Variants in ASXL3 observed in about 807,000 individuals in gnomAD.
The protein encoded by ASXL3 is putative Polycomb group protein ASXL3.
In ASXL3, 34 loss-of-function variants were observed where a neutral mutation model predicts 170.6. The ratio of observed to expected loss-of-function variants is 0.20; its 90% CI spans 0.15 to 0.27. ASXL3 has a LOEUF of 0.27. Ranked by LOEUF, ASXL3 falls within the 10% of genes least tolerant of loss-of-function variation. The pLI is 1.00. For missense variants in ASXL3, 2,592 were observed against 2,695.3 expected (o/e 0.96, Z 0.85); for synonymous variants, 1,002 against 989.1 (o/e 1.01, Z -0.24).
intron 7 of ASXL3, among the ~76,000 whole-genome samples, chr18:33,678,775 T>C (rs1568322958): frequency 6.6e-6 from 1 of 152,184 alleles, no homozygotes; most frequent in Admixed American, 6.5e-5. Context: ...TCATATATAA[T>C]TGGATTGTTC....
At chr18:33,615,384 G>T (rs1359805477) in intron 2 of ASXL3, among the ~76,000 whole-genome samples, 1 of 151,952 alleles carries the variant, frequency 6.6e-6, no homozygotes, top group Middle Eastern at 3.2e-3. Context: ...TTTTATATGG[G>T]CACTGTTCAT....
At chr18:33,614,869 T>C (rs2065398601) in intron 2 of ASXL3, 1 of 152,050 alleles carries the variant, frequency 6.6e-6, no homozygotes, top group Non-Finnish European at 1.5e-5. Context: ...GCTTAAAATA[T>C]TCAGTAAACC....
chr18:33,598,289 T>G (rs1250348930), intron 1 of ASXL3, among the ~76,000 whole-genome samples: 1 of 152,184 alleles, frequency 6.6e-6, no homozygotes, highest in Non-Finnish European at 1.5e-5. Context: ...TTATTTCATC[T>G]AATATTCTCA....
intron 8 of ASXL3, among the ~76,000 whole-genome samples, chr18:33,729,044 A>T (rs1283074581): frequency 6.6e-6 from 1 of 152,184 alleles, no homozygotes; most frequent in East Asian, 1.9e-4. Flanking sequence ...GGCTGCTCCC[A>T]TGTAGAGCAT....
Position 33,743,755 on chromosome 18 carries a change from A to G in ASXL3, c.3907A>G (p.Thr1303Ala), listed in dbSNP as rs751398594. 2 of 1,613,856 alleles carry G rather than the reference A, an allele frequency of 1.2e-6. No homozygotes were observed. The highest frequency in any genetic ancestry group is 1.7e-6 in the Non-Finnish European group (2 of 1,179,886). Reference sequence around the variant, plus strand: ...CATTATACCAAAATGTATTGAAAGCACTCCCATTTCAGCCACTACAGAGGG... The same window carrying G: ...CATTATACCAAAATGTATTGAAAGCGCTCCCATTTCAGCCACTACAGAGGG... ...IAIIPKCIES[T>A]PISATTEGSS... The change falls in exon 12 of 12, where the codon ACT (threonine) becomes GCT (alanine). Residue 1303 changes from threonine (T) to alanine (A), a missense_variant. Physicochemically the swap from Thr to Ala is moderately conservative, Grantham distance 58. Around this residue, in one of 4 missense-constraint regions of ASXL3, gnomAD observed 2,246 missense variants for 2,219.6 expected, o/e 1.01. Transcript: ENST00000269197.
At chr18:33,670,469 C>T (rs1444863991) in intron 5 of ASXL3, among the ~76,000 whole-genome samples, 5 of 152,128 alleles carry the variant, frequency 3.3e-5, no homozygotes, top group African/African-American at 1.2e-4. Context: ...CGGGCTTATA[C>T]CCTTTGCCAA....
At chr18:33,714,649 C>G in intron 8 of ASXL3, among the ~76,000 whole-genome samples, 1 of 152,100 alleles carries the variant, frequency 6.6e-6, no homozygotes. Flanking sequence ...TTTTCCCCAA[C>G]TCAGCTTTAG....
At position 33,745,118 on chromosome 18, in the gene ASXL3, A is replaced by G. The variant is rs2067755159; in HGVS notation, c.5270A>G (p.Asn1757Ser). 4 of 1,614,004 alleles carry G rather than the reference A, an allele frequency of 2.5e-6. No homozygotes were observed. The highest frequency in any genetic ancestry group is 3.4e-6 in the Non-Finnish European group (4 of 1,179,900). ...CTGGTGACGCAGTTACTACAGGGCA[A>G]CCTGCCTTTGGAAAAAGTGTTGCCA... ...NPLVTQLLQGNLPLEKVLPQP... is the reference protein window; with the variant it reads ...NPLVTQLLQGSLPLEKVLPQP... The change falls in exon 12 of 12, where the codon AAC (asparagine) becomes AGC (serine). Residue 1757 changes from asparagine (N) to serine (S), a missense_variant. Around this residue, in one of 4 missense-constraint regions of ASXL3, gnomAD observed 2,246 missense variants for 2,219.6 expected, o/e 1.01. Coordinates refer to ENST00000269197, the MANE Select transcript of ASXL3 (RefSeq NM_030632.3).
chr18:33,581,789 CAAA>C (rs1224727347), intron 1 of ASXL3, among the ~76,000 whole-genome samples: 1 of 152,120 alleles, frequency 6.6e-6, no homozygotes, highest in African/African-American at 2.4e-5. Flanking sequence ...TCATTTTCCT[CAAA>C]GAAGTGTGTA....
At chr18:33,733,044 T>C (rs1202163212) in intron 9 of ASXL3, among the ~76,000 whole-genome samples, 1 of 152,186 alleles carries the variant, frequency 6.6e-6, no homozygotes, top group African/African-American at 2.4e-5. Flanking sequence ...TGCCAGCCCT[T>C]GCTCAGCTTT....
chr18:33,714,453 C>T (rs775509150), intron 8 of ASXL3, among the ~76,000 whole-genome samples: 3 of 152,098 alleles, frequency 2.0e-5, no homozygotes, highest in Non-Finnish European at 4.4e-5. Context: ...TTTTCCTTTG[C>T]TCTACCTATG....
intron 2 of ASXL3, among the ~76,000 whole-genome samples, chr18:33,611,250 C>G (rs1424230133): frequency 6.6e-6 from 1 of 151,588 alleles, no homozygotes; most frequent in Non-Finnish European, 1.5e-5. Context: ...GAAATAAGTA[C>G]CTTCCATGTG....
intron 2 of ASXL3, among the ~76,000 whole-genome samples, chr18:33,633,442 TTAAAC>T (rs571699373): frequency 2.0e-5 from 3 of 152,206 alleles, no homozygotes; most frequent in African/African-American, 7.2e-5. Flanking sequence ...AATCTTATAA[TTAAAC>T]TAATTTGCAT....
intron 7 of ASXL3, among the ~76,000 whole-genome samples, chr18:33,673,391 T>G (rs2066376886): frequency 8.3e-6 from 1 of 120,292 alleles, no homozygotes; most frequent in South Asian, 2.7e-4. Context: ...TTTTTTTTTT[T>G]GAGACAGGGT....
chr18:33,599,681 T>C (rs1203378156), intron 1 of ASXL3, among the ~76,000 whole-genome samples: 1 of 152,178 alleles, frequency 6.6e-6, no homozygotes, highest in African/African-American at 2.4e-5. Flanking sequence ...TTTTGGGGCA[T>C]GTAGAAATCC....
At chr18:33,703,995 A>G (rs1320599978) in intron 8 of ASXL3, among the ~76,000 whole-genome samples, 1 of 152,080 alleles carries the variant, frequency 6.6e-6, no homozygotes, top group African/African-American at 2.4e-5. Context: ...TAACTTTTTT[A>G]TATGGTAATA....
At chr18:33,611,166 G>T (rs1281914019) in intron 2 of ASXL3, among the ~76,000 whole-genome samples, 1 of 151,956 alleles carries the variant, frequency 6.6e-6, no homozygotes, top group Non-Finnish European at 1.5e-5. Context: ...TTTACATCAT[G>T]TTCTGTGTCT....
At chr18:33,684,082 G>T (rs2066555174) in intron 8 of ASXL3, among the ~76,000 whole-genome samples, 1 of 152,046 alleles carries the variant, frequency 6.6e-6, no homozygotes, top group Non-Finnish European at 1.5e-5. Flanking sequence ...TGCTTTAAGT[G>T]TATTTTTATA....
In ASXL3 at chr18:33,743,004, G is replaced by A. The variant is rs1254700186; in HGVS notation, c.3156G>A (p.Arg1052=). The A allele has an allele frequency of 6.2e-7, 1 of 1,613,652 alleles. No homozygotes were observed. Among genetic ancestry groups the A allele is most frequent in the African/African-American group, 1.3e-5 (1 of 74,880 alleles). Residue 1052 remains arginine, a synonymous_variant, in exon 12 of 12, where the codon AGG becomes AGA. Transcript: ENST00000269197. ...GTGGCGGGAGGAACACAGGAGCCAG[G>A]ACCCTCGCAGATATCAAGGCCCGGG... ...SVSGGRNTGA[R]TLADIKARAQ... is the part of the protein sequence containing the mutation.
Sources: allele counts gnomAD v4.1 joint callset (sites outside exome capture counted in the v4.1 genomes callset), GRCh38; gene constraint gnomAD v4.1.1; regional missense constraint gnomAD v4.1.1; transcripts MANE v1.5; gene names NCBI Gene and HGNC (gene_info 2026-07-23, HGNC 2026-07-21).